GALK1: variants seen among roughly 807,000 people sequenced by gnomAD.
GALK1 encodes the protein galactokinase.
GALK1 carries 30 observed loss-of-function variants against 38.6 expected under a neutral mutation model. The observed-to-expected ratio is 0.78, with a 90% CI of 0.58 to 1.05. The LOEUF (loss-of-function observed/expected upper bound fraction) is 1.05, where lower values mean the gene tolerates loss of function less well. Ranked by LOEUF, GALK1 falls within the 50% of genes least tolerant of loss-of-function variation. The pLI, the probability that GALK1 is intolerant of heterozygous loss-of-function variation, is 0.00. For missense variants in GALK1, 512 were observed against 540.5 expected (o/e 0.95, Z 0.52); for synonymous variants, 240 against 233.6 (o/e 1.03, Z -0.25).
chr17:75,753,701 C>G (rs373121522), downstream of GALK1: 141 of 1,143,316 alleles, frequency 1.2e-4, 1 homozygote, highest in East Asian at 3.4e-3. Flanking sequence ...GGCCTTCCCC[C>G]GCCTGGCCCT....
At chr17:75,754,524 G>C (rs192827806), downstream of GALK1, 3 of 1,611,262 alleles carry the variant, frequency 1.9e-6, no homozygotes, top group Admixed American at 1.7e-5. Flanking sequence ...CTGCCCCACG[G>C]GGCCCGGGTC....
chr17:75,755,039 T>C (rs1395951215), downstream of GALK1: 1 of 1,589,984 alleles, frequency 6.3e-7, no homozygotes, highest in Admixed American at 1.8e-5. Flanking sequence ...CTCACTCTTG[T>C]TTTGTCCTGC....
chr17:75,762,259 G>A (rs906275284), intron 5 of GALK1, among the ~76,000 whole-genome samples: 1 of 151,020 alleles, frequency 6.6e-6, no homozygotes, highest in African/African-American at 2.4e-5. Context: ...CAAGTTTGCA[G>A]TAAGCTATGA....
At chr17:75,758,948 A>AG (rs1285581381) in intron 5 of GALK1, among the ~76,000 whole-genome samples, 1 of 151,832 alleles carries the variant, frequency 6.6e-6, no homozygotes, top group East Asian at 1.9e-4. Flanking sequence ...GCTCCAGAAG[A>AG]GGGGGCAGAA....
intron 8 of GALK1, chr17:75,752,626 C>A (rs145269512): frequency 6.2e-7 from 1 of 1,609,288 alleles, no homozygotes; most frequent in African/African-American, 1.3e-5. Context: ...GTCTTGGGTA[C>A]AGAGTGAGTC....
At chr17:75,764,271 G>A in intron 1 of GALK1, 185 bp from the exon 2 acceptor site, 1 of 766,248 alleles carries the variant, frequency 1.3e-6, no homozygotes, top group East Asian at 2.4e-5. Context: ...GCCCCCTTAG[G>A]TCTTCAGGGG....
chr17:75,754,627 C>A (rs2061444470), downstream of GALK1: 1 of 1,613,906 alleles, frequency 6.2e-7, no homozygotes, highest in South Asian at 1.1e-5. Context: ...AGCACCAACT[C>A]CCTGCACAGG....
chr17:75,758,364 T>C lies in GALK1; in HGVS notation c.953A>G (p.Tyr318Cys), dbSNP rs1203907259. 6.3e-7 allele frequency: 1 copy of C among 1,590,710 alleles called. No individual in the cohort carries two copies. Among genetic ancestry groups the C allele is most frequent in the Non-Finnish European group, 8.6e-7 (1 of 1,169,412 alleles). The change falls in exon 7 of 8, where the codon TAT becomes TGT. Residue 318 changes from tyrosine (Y) to cysteine (C), a missense_variant. Coordinates refer to ENST00000588479, the MANE Select transcript of GALK1 (RefSeq NM_000154.2). ...VESHRSLRDDYEVSCPELDQL... is the reference protein window; with the variant it reads ...VESHRSLRDDCEVSCPELDQL... ...GTCCAGCTCTGGGCAGCTCACCTCA[T>C]AGTCGTCTCTGCAGAGAGGATATTG... is the stretch of plus-strand genomic sequence containing the variant.
intron 8 of GALK1, chr17:75,752,263 C>G (rs1299861287): frequency 1.9e-6 from 3 of 1,613,404 alleles, no homozygotes; most frequent in South Asian, 1.1e-5. Flanking sequence ...CCAGCCCTAC[C>G]GCTACACGGT....
downstream of GALK1, chr17:75,757,439 C>A (rs375287185): frequency 6.2e-7 from 1 of 1,613,248 alleles, no homozygotes; most frequent in Non-Finnish European, 8.5e-7. Context: ...GGGGGCCCAG[C>A]ACCTGGAGGC....
chr17:75,753,213 A>C (rs1361399258), downstream of GALK1, among the ~76,000 whole-genome samples: 1 of 152,238 alleles, frequency 6.6e-6, no homozygotes, highest in Non-Finnish European at 1.5e-5. Flanking sequence ...CGATGCCTCA[A>C]GCTGCCCCCG....
At chr17:75,760,212 GCCT>G (rs1425056057) in intron 5 of GALK1, among the ~76,000 whole-genome samples, 1 of 152,046 alleles carries the variant, frequency 6.6e-6, no homozygotes, top group East Asian at 2.0e-4. Context: ...TCCCACCCCA[GCCT>G]CCTAAGTAGC....
At chr17:75,755,359 C>T, downstream of GALK1, 3 of 902,302 alleles carry the variant, frequency 3.3e-6, no homozygotes, top group East Asian at 5.3e-5. Context: ...AACCACCTGC[C>T]CTACCATCAG....
At chr17:75,754,662 T>C (rs2061445557), downstream of GALK1, 1 of 1,614,054 alleles carries the variant, frequency 6.2e-7, no homozygotes, top group African/African-American at 1.3e-5. Flanking sequence ...TGCTGCTGCC[T>C]ATGGCACCCA....
chr17:75,758,160 G>A, intron 7 of GALK1, 33 bp from the exon 8 acceptor site: 2 of 1,610,628 alleles, frequency 1.2e-6, no homozygotes. Flanking sequence ...GAGTGGCAGG[G>A]CCCCGGGAAG....
chr17:75,756,288 C>A, downstream of GALK1: 1 of 833,392 alleles, frequency 1.2e-6, no homozygotes. Flanking sequence ...CCATACCATA[C>A]TGTACCCAAC....
At chr17:75,754,609 T>G, downstream of GALK1, 1 of 1,613,856 alleles carries the variant, frequency 6.2e-7, no homozygotes, top group Non-Finnish European at 8.5e-7. Context: ...GACTTTGCCT[T>G]CCCGGGCAGC....
intron 5 of GALK1, among the ~76,000 whole-genome samples, chr17:75,762,184 T>C (rs954660241): frequency 1.3e-5 from 2 of 152,042 alleles, no homozygotes; most frequent in African/African-American, 2.4e-5. Context: ...CCGGGCATGG[T>C]GGCACACCTG....
In GALK1 at chr17:75,764,190, G is replaced by A. The variant is rs367852171; in HGVS notation, c.166-104C>T. On this transcript the variant is annotated intron_variant, in intron 1 of 7. Transcript: ENST00000588479. Reference sequence around the variant, plus strand: ...GTTCTGATGCCTCCACAGTCATCAGGTTCTGAACCTCCAGGTTCAGCGTCG... The same window carrying A: ...GTTCTGATGCCTCCACAGTCATCAGATTCTGAACCTCCAGGTTCAGCGTCG... 1,149 of 1,083,088 alleles carry A rather than the reference G, an allele frequency of 1.1e-3. 12 individuals carry two copies. The South Asian group carries it at 0.013, about 12-fold the overall frequency. 67.1% of individuals were successfully genotyped at this position (1,083,088 alleles called of 1,614,324 possible). A position where few individuals can be genotyped will look rare whatever the true frequency, so the allele number is the denominator to read the frequency against.
Sources: gnomAD v4.1 joint callset for allele counts (sites outside exome capture counted in the v4.1 genomes callset) on GRCh38, gnomAD v4.1.1 for gene constraint, MANE v1.5 for transcripts, NCBI Gene and HGNC (gene_info 2026-07-23, HGNC 2026-07-21) for gene names.